The following TNFSF4 variants were observed in gnomAD, a reference collection of about 807,000 sequenced individuals.
TNFSF4 encodes tumor necrosis factor ligand superfamily member 4.
In TNFSF4, 4 loss-of-function variants were observed where a neutral mutation model predicts 7.3. The ratio of observed to expected loss-of-function variants is 0.55; its 90% confidence interval spans 0.27 to 1.25. The LOEUF is 1.25. Among genes scored for constraint, TNFSF4 ranks in the 50% most tolerant of loss-of-function variants. The pLI, the probability that TNFSF4 is intolerant of heterozygous loss-of-function variation, is 0.12. For synonymous variants in TNFSF4, 76 were observed against 83.7 expected, an observed-to-expected ratio of 0.91 and a Z score of 0.50; for missense variants, 181 against 208.8, an observed-to-expected ratio of 0.87 and a Z score of 0.82.
At chr1:173,432,334 T>C in the TNFSF4 span, among the ~76,000 whole-genome samples, 1 of 152,224 alleles carries the variant, frequency 6.6e-6, no homozygotes, top group Non-Finnish European at 1.5e-5. Context: ...GTTGAAGTCC[T>C]AATCCCCAAT....
the TNFSF4 span, among the ~76,000 whole-genome samples, chr1:173,300,160 G>GATACATACATAC: frequency 5.0e-3 from 729 of 146,904 alleles, 8 homozygotes; most frequent in South Asian, 0.013. Context: ...ATGATTGATA[G>GATACATACATAC]ATACATACAT....
At chr1:173,198,022 T>C (rs1002367268) in intron 1 of TNFSF4, among the ~76,000 whole-genome samples, 3 of 151,916 alleles carry the variant, frequency 2.0e-5, no homozygotes, top group Admixed American at 6.6e-5. Flanking sequence ...AAAAGTTCAA[T>C]GTAGAGAAGA....
the TNFSF4 span, among the ~76,000 whole-genome samples, chr1:173,345,049 T>C: frequency 3.9e-5 from 6 of 152,250 alleles, no homozygotes; most frequent in South Asian, 8.3e-4. Context: ...ACAGGAGAAT[T>C]TGGGGGATCA....
At chr1:173,199,258 G>A (rs7525284) in intron 1 of TNFSF4, among the ~76,000 whole-genome samples, 43,651 of 152,108 alleles carry the variant, frequency 0.29, 6,435 homozygotes, top group Middle Eastern at 0.36. Flanking sequence ...TGAATAAGTT[G>A]ATGAATAAGT....
At chr1:173,344,724 T>C in the TNFSF4 span, among the ~76,000 whole-genome samples, 1 of 152,232 alleles carries the variant, frequency 6.6e-6, no homozygotes, top group South Asian at 2.1e-4. Flanking sequence ...CCAACTTTAA[T>C]ATCTGGAGAC....
the TNFSF4 span, among the ~76,000 whole-genome samples, chr1:173,308,267 TTCTC>T: frequency 0.077 from 10,289 of 132,902 alleles, 423 homozygotes; most frequent in Middle Eastern, 0.12. Context: ...CTCTCTCTCT[TTCTC>T]TCTCTCTCTC....
chr1:173,241,252 T>C, the TNFSF4 span, among the ~76,000 whole-genome samples: 1 of 152,224 alleles, frequency 6.6e-6, no homozygotes, highest in Non-Finnish European at 1.5e-5. Context: ...CCAGTGAAGA[T>C]ACTGAGCTGC....
chr1:173,348,785 A>C, the TNFSF4 span, among the ~76,000 whole-genome samples: 8 of 152,178 alleles, frequency 5.3e-5, no homozygotes, highest in African/African-American at 1.7e-4. Context: ...GAATATAAAA[A>C]ATTTGGATGA....
At chr1:173,448,510 G>C in the TNFSF4 span, among the ~76,000 whole-genome samples, 1 of 152,176 alleles carries the variant, frequency 6.6e-6, no homozygotes, top group Non-Finnish European at 1.5e-5. Context: ...AGTCCGAAAA[G>C]AGAGTCAGAG....
chr1:173,277,813 A>T, the TNFSF4 span, among the ~76,000 whole-genome samples: 1 of 152,140 alleles, frequency 6.6e-6, no homozygotes, highest in Non-Finnish European at 1.5e-5. Context: ...TTGCTCATCA[A>T]TGACAAACGA....
chr1:173,448,147 TA>T, the TNFSF4 span, among the ~76,000 whole-genome samples: 3 of 152,152 alleles, frequency 2.0e-5, no homozygotes, highest in Non-Finnish European at 2.9e-5. Context: ...AAATGAGAAC[TA>T]GATAAATCCA....
the TNFSF4 span, among the ~76,000 whole-genome samples, chr1:173,217,371 G>A: frequency 6.6e-6 from 1 of 152,170 alleles, no homozygotes; most frequent in Non-Finnish European, 1.5e-5. Flanking sequence ...TGACACTCTG[G>A]GCAAAAGTCA....
chr1:173,351,885 GT>G, the TNFSF4 span: 2 of 592,602 alleles, frequency 3.4e-6, no homozygotes, highest in South Asian at 1.8e-5. Context: ...CAGCAAGGCG[GT>G]TATCACTAGG....
At chr1:173,237,723 G>A in the TNFSF4 span, among the ~76,000 whole-genome samples, 4 of 152,058 alleles carry the variant, frequency 2.6e-5, no homozygotes, top group African/African-American at 4.8e-5. Flanking sequence ...GCTGTACAAC[G>A]AAAATTACAA....
At chr1:173,345,923 T>C in the TNFSF4 span, among the ~76,000 whole-genome samples, 2 of 152,072 alleles carry the variant, frequency 1.3e-5, no homozygotes, top group Admixed American at 6.6e-5. Context: ...GTCCTAGGAA[T>C]GGTTTGAGCC....
the TNFSF4 span, among the ~76,000 whole-genome samples, chr1:173,340,143 T>A: frequency 1.3e-5 from 2 of 152,058 alleles, no homozygotes. Context: ...GAGACATCAG[T>A]TTTTTCCTGT....
At chr1:173,311,504 TGA>T in the TNFSF4 span, among the ~76,000 whole-genome samples, 1 of 151,982 alleles carries the variant, frequency 6.6e-6, no homozygotes, top group Non-Finnish European at 1.5e-5. Context: ...TTCACCAGGC[TGA>T]GATTCAAACC....
chr1:173,328,116 A>G, the TNFSF4 span, among the ~76,000 whole-genome samples: 1 of 152,194 alleles, frequency 6.6e-6, no homozygotes, highest in African/African-American at 2.4e-5. Context: ...AATGTCCAAC[A>G]ATGATAGACT....
intron 1 of TNFSF4, among the ~76,000 whole-genome samples, chr1:173,197,122 T>C (rs1649736880): frequency 6.6e-6 from 1 of 152,228 alleles, no homozygotes; most frequent in Admixed American, 6.5e-5. Context: ...CTCAAGGTTT[T>C]AGAAATTGGC....
Sources: gnomAD v4.1 joint callset for allele counts (sites outside exome capture counted in the v4.1 genomes callset) on GRCh38, gnomAD v4.1.1 for gene constraint, MANE v1.5 for transcripts, NCBI Gene and HGNC (gene_info 2026-07-23, HGNC 2026-07-21) for gene names.